The following DYM variants were observed in gnomAD, a reference collection of about 807,000 sequenced individuals.
The protein encoded by DYM is dymeclin, also known as dyggve-Melchior-Clausen syndrome protein.
Under a neutral mutation model 93.1 loss-of-function variants are expected in DYM, and 78 were observed. That is an observed-to-expected ratio of 0.84 (90% CI 0.70 to 1.01). The LOEUF (loss-of-function observed/expected upper bound fraction) is 1.01. Ranked by LOEUF, DYM falls within the 50% of genes least tolerant of loss-of-function variation. The pLI is 0.00. For missense variants in DYM, 789 were observed against 845.0 expected (o/e 0.93, Z 0.82); for synonymous variants, 321 against 319.7 (o/e 1.00, Z -0.04).
At chr18:49,078,144 C>T (rs368404119) in intron 17 of DYM, among the ~76,000 whole-genome samples, 2 of 152,050 alleles carry the variant, frequency 1.3e-5, no homozygotes, top group Non-Finnish European at 2.9e-5. Flanking sequence ...TGACAATATA[C>T]ACTCTTAACT....
At chr18:49,066,547 T>G (rs567129258) in intron 17 of DYM, among the ~76,000 whole-genome samples, 2 of 152,250 alleles carry the variant, frequency 1.3e-5, no homozygotes, top group Admixed American at 6.5e-5. Flanking sequence ...AGGGTTGGAC[T>G]GTTATGAACA....
chr18:49,122,694 C>T (rs989065036), intron 15 of DYM, among the ~76,000 whole-genome samples: 1 of 152,138 alleles, frequency 6.6e-6, no homozygotes, highest in African/African-American at 2.4e-5. Flanking sequence ...AACCACCAAC[C>T]AGTCCATGGA....
rs532526817 is a variant in DYM, at chr18:49,102,420, T to C, written c.1912-4905A>G. Among the ~76,000 whole-genome samples the C allele has an allele frequency of 9.4e-4, 142 of 151,270 alleles. 1 individual carries two copies. The highest frequency in any genetic ancestry group is 3.3e-3 in the African/African-American group (135 of 41,514). ...TTTGGAGATTTTCCAGATATCTTATTTCTTTTTTTTAATACTTTCAGTTTT... is the reference window on the plus strand; with the variant it reads ...TTTGGAGATTTTCCAGATATCTTATCTCTTTTTTTTAATACTTTCAGTTTT... On this transcript the variant is annotated intron_variant, in intron 16 of 17. Transcript: ENST00000675505.
At position 49,255,617 on chromosome 18, in the gene DYM, G is replaced by A. The variant is rs1438418393; in HGVS notation, c.1460+1393C>T. On this transcript the variant is annotated intron_variant, in intron 13 of 17. Transcript: ENST00000675505. The stretch of plus-strand genomic sequence containing the variant: ...GAACCCAGGAGGTGGAGGTTGCAGC[G>A]AGCCAAGATCACACCACTGCACTCC... 1.1e-4 allele frequency among the ~76,000 whole-genome samples: 17 copies of A among 149,640 alleles called. No individual in the cohort carries two copies. The East Asian group carries it at 1.8e-3, about 16-fold the overall frequency.
At chr18:49,381,773 C>A (rs1460478126) in intron 3 of DYM, among the ~76,000 whole-genome samples, 1 of 152,088 alleles carries the variant, frequency 6.6e-6, no homozygotes, top group Non-Finnish European at 1.5e-5. Flanking sequence ...TTTTATCCAG[C>A]CTTCACAATC....
chr18:49,241,514 T>C (rs541246420), intron 13 of DYM, among the ~76,000 whole-genome samples: 13 of 152,322 alleles, frequency 8.5e-5, no homozygotes, highest in Middle Eastern at 3.4e-3. Flanking sequence ...AGCCCCGAAC[T>C]CAATCAGATT....
intron 11 of DYM, among the ~76,000 whole-genome samples, chr18:49,269,985 T>C (rs139941385): frequency 6.6e-6 from 1 of 152,338 alleles, no homozygotes; most frequent in East Asian, 1.9e-4. Flanking sequence ...ACTGTATTTT[T>C]ATGGTAGCTT....
chr18:49,291,629 G>C (rs1276275070), intron 8 of DYM, among the ~76,000 whole-genome samples: 1 of 152,046 alleles, frequency 6.6e-6, no homozygotes, highest in African/African-American at 2.4e-5. Context: ...TTTCTGTTTT[G>C]TTTTTTAATA....
chr18:49,416,966 C>G (rs1003057524), intron 2 of DYM, among the ~76,000 whole-genome samples: 1 of 152,156 alleles, frequency 6.6e-6, no homozygotes, highest in African/African-American at 2.4e-5. Flanking sequence ...GCAGCCTTAT[C>G]AATTTACCCT....
intron 11 of DYM, among the ~76,000 whole-genome samples, chr18:49,258,969 T>A (rs1428128100): frequency 1.2e-5 from 1 of 82,612 alleles, no homozygotes; most frequent in Non-Finnish European, 2.7e-5. Flanking sequence ...AGAGGTAAAA[T>A]GGGGGAAAAA....
At chr18:49,363,892 A>C (rs2066277063) in intron 5 of DYM, among the ~76,000 whole-genome samples, 1 of 152,140 alleles carries the variant, frequency 6.6e-6, no homozygotes, top group Non-Finnish European at 1.5e-5. Context: ...GTGACCTCCA[A>C]ATTCCCAAAG....
At chr18:49,383,099 T>A (rs1389741941) in intron 3 of DYM, among the ~76,000 whole-genome samples, 9 of 151,924 alleles carry the variant, frequency 5.9e-5, no homozygotes, top group Non-Finnish European at 1.3e-4. Context: ...ATAAATACAC[T>A]GAGAGAGGGA....
In DYM at chr18:49,378,551, T is replaced by TA. The variant is rs1174552753; in HGVS notation, c.421+15dup. ...ACACATGATATATCCAGAACATCTT[T>TA]AAAAACAATACTTACTGTAATTGCC... On this transcript the variant is annotated intron_variant, in intron 5 of 17. Coordinates refer to ENST00000675505, the MANE Select transcript of DYM (RefSeq NM_001353214.3). The TA allele has an allele frequency of 3.1e-6, 5 of 1,602,212 alleles. No homozygotes were observed. The highest frequency in any genetic ancestry group is 1.7e-5 in the Admixed American group (1 of 59,926).
chr18:49,080,650 C>A (rs1377047602), intron 17 of DYM, among the ~76,000 whole-genome samples: 2 of 149,060 alleles, frequency 1.3e-5, no homozygotes, highest in Admixed American at 6.6e-5. Flanking sequence ...TGACCCCCCC[C>A]ACCTCCCTCC....
At chr18:49,355,388 T>C (rs1400107573) in intron 6 of DYM, among the ~76,000 whole-genome samples, 2 of 151,850 alleles carry the variant, frequency 1.3e-5, no homozygotes, top group Non-Finnish European at 2.9e-5. Context: ...GATACATAGA[T>C]AGATGATACA....
At chr18:49,260,858 G>GAAAAAAAA (rs76130038) in intron 11 of DYM, among the ~76,000 whole-genome samples, 1 of 135,372 alleles carries the variant, frequency 7.4e-6, no homozygotes. Context: ...ATCTCCGGGA[G>GAAAAAAAA]AAAAAAAAAA....
intron 1 of DYM, among the ~76,000 whole-genome samples, chr18:49,456,480 T>C (rs1268258109): frequency 1.3e-5 from 2 of 152,160 alleles, no homozygotes; most frequent in South Asian, 2.1e-4. Flanking sequence ...ATCGATCATA[T>C]GATGGACAAA....
At chr18:49,283,278 C>A (rs939926745) in intron 9 of DYM, among the ~76,000 whole-genome samples, 2 of 152,052 alleles carry the variant, frequency 1.3e-5, no homozygotes, top group Non-Finnish European at 2.9e-5. Flanking sequence ...AGGTTGGGGG[C>A]CATCTGCGTA....
rs1212139937 is a variant in DYM, at chr18:49,272,282, G to C, written c.1147C>G (p.Leu383Val). Residue 383 changes from leucine to valine, a missense_variant, in exon 11 of 18, where the codon CTG becomes GTG. This residue lies in a region of DYM where 225 missense variants were observed against 303.0 expected (regional missense o/e 0.74). Transcript: ENST00000675505. ...GAATTCCTTTCTTCAACATGATACA[G>C]AATCTCAAGAATTGGTAAAACCTAG... is the stretch of plus-strand genomic sequence containing the variant. ...ENLVLPILEI[L>V]YHVEERNSHH... 2.6e-6 allele frequency: 4 copies of C among 1,554,034 alleles called. No individual in the cohort carries two copies. Among genetic ancestry groups the C allele is most frequent in the Non-Finnish European group, 3.6e-6 (4 of 1,126,094 alleles).
Sources: gnomAD v4.1 joint callset for allele counts (sites outside exome capture counted in the v4.1 genomes callset) on GRCh38, gnomAD v4.1.1 for gene constraint, gnomAD v4.1.1 regional missense constraint, MANE v1.5 for transcripts, NCBI Gene and HGNC (gene_info 2026-07-23, HGNC 2026-07-21) for gene names.